Variants in SHISA9 observed in about 807,000 individuals in gnomAD.
SHISA9 encodes the protein shisa family member 9.
Under a neutral mutation model 38.0 loss-of-function variants are expected in SHISA9, and 13 were observed. The ratio of observed to expected loss-of-function variants is 0.34; its 90% CI spans 0.22 to 0.54. The LOEUF is 0.54. Among genes scored for constraint, SHISA9 ranks in the 20% least tolerant of loss-of-function variants. The pLI, the probability that SHISA9 is intolerant of heterozygous loss-of-function variation, is 0.91. For missense variants in SHISA9, 538 were observed against 575.8 expected (o/e 0.93, Z 0.67); for synonymous variants, 275 against 242.0 (o/e 1.14, Z -1.27).
At chr16:13,214,739 G>A (rs2051151224) in intron 4 of SHISA9, among the ~76,000 whole-genome samples, 1 of 152,286 alleles carries the variant, frequency 6.6e-6, no homozygotes, top group East Asian at 1.9e-4. Flanking sequence ...GGATAGCAAA[G>A]GGAGAGCTTG....
chr16:13,323,668 G>C, the SHISA9 span, among the ~76,000 whole-genome samples: 3 of 152,150 alleles, frequency 2.0e-5, no homozygotes, highest in Admixed American at 6.5e-5. Flanking sequence ...AGGCAAAAGG[G>C]AAACAAGGTA....
At chr16:13,068,992 A>G (rs941739906) in intron 2 of SHISA9, among the ~76,000 whole-genome samples, 2 of 151,644 alleles carry the variant, frequency 1.3e-5, no homozygotes, top group East Asian at 1.9e-4. Context: ...TGTACATGCA[A>G]TGTGTGTATG....
chr16:12,971,377 G>C (rs930106738), intron 2 of SHISA9, among the ~76,000 whole-genome samples: 1 of 152,220 alleles, frequency 6.6e-6, no homozygotes, highest in Non-Finnish European at 1.5e-5. Context: ...GGGAGACAGA[G>C]ACTGTGCCCA....
the SHISA9 span, among the ~76,000 whole-genome samples, chr16:13,440,473 G>C: frequency 2.4e-4 from 37 of 152,308 alleles, no homozygotes; most frequent in African/African-American, 7.7e-4. Flanking sequence ...CCATTGACTG[G>C]CTTTAAAACA....
chr16:13,189,172 A>G (rs555260058), intron 2 of SHISA9, among the ~76,000 whole-genome samples: 1 of 152,294 alleles, frequency 6.6e-6, no homozygotes, highest in South Asian at 2.1e-4. Flanking sequence ...AAGCCACTCC[A>G]TTTGTTGTTC....
At chr16:13,397,856 C>T in the SHISA9 span, among the ~76,000 whole-genome samples, 7 of 152,172 alleles carry the variant, frequency 4.6e-5, no homozygotes, top group East Asian at 1.9e-4. Flanking sequence ...CTTGGTGTAC[C>T]GGAAGAATGG....
At chr16:13,032,245 A>T (rs1212460357) in intron 2 of SHISA9, among the ~76,000 whole-genome samples, 1 of 151,942 alleles carries the variant, frequency 6.6e-6, no homozygotes, top group East Asian at 1.9e-4. Context: ...TCATGGTTCA[A>T]TTCCCACTTA....
the SHISA9 span, among the ~76,000 whole-genome samples, chr16:13,314,930 T>C: frequency 2.5e-4 from 38 of 152,208 alleles, no homozygotes; most frequent in Admixed American, 2.0e-4. Context: ...TTGACAATAC[T>C]GTATTATGCT....
the SHISA9 span, among the ~76,000 whole-genome samples, chr16:13,421,011 C>A: frequency 6.6e-6 from 1 of 152,300 alleles, no homozygotes; most frequent in African/African-American, 2.4e-5. Flanking sequence ...GGAAAAAGTC[C>A]ATTTCCACAT....
chr16:13,149,924 C>G (rs1430020690), intron 2 of SHISA9, among the ~76,000 whole-genome samples: 1 of 89,412 alleles, frequency 1.1e-5, no homozygotes, highest in East Asian at 3.8e-4. Flanking sequence ...TACTCCATCT[C>G]AAAAAAAAGA....
chr16:13,335,202 G>A, the SHISA9 span, among the ~76,000 whole-genome samples: 1 of 152,232 alleles, frequency 6.6e-6, no homozygotes, highest in Non-Finnish European at 1.5e-5. Context: ...GGCCTAGTCA[G>A]ACCGGCTTTC....
chr16:13,561,772 G>T, the SHISA9 span, among the ~76,000 whole-genome samples: 10 of 152,148 alleles, frequency 6.6e-5, no homozygotes, highest in Admixed American at 6.5e-4. Context: ...GAATAGAGTA[G>T]ATGGTAAATA....
rs2072327626 is a variant in SHISA9 at position 12,987,504 on chromosome 16, G to A, written c.691+70689G>A. Among the ~76,000 whole-genome samples the A allele has an allele frequency of 2.0e-5, 3 of 152,274 alleles. No homozygotes were observed. In the East Asian group the frequency reaches 5.8e-4, roughly 29 times the overall value. On this transcript the variant is annotated intron_variant, in intron 2 of 4. Coordinates refer to ENST00000558583, the MANE Select transcript of SHISA9 (RefSeq NM_001145204.3). ...CAAACTAACACAGGAACAGAAAACC[G>A]AATACCACATGTTCTCATTCATGAG...
At chr16:13,026,736 G>A (rs1156855020) in intron 2 of SHISA9, among the ~76,000 whole-genome samples, 1 of 152,202 alleles carries the variant, frequency 6.6e-6, no homozygotes, top group Non-Finnish European at 1.5e-5. Context: ...CTGTAAATGT[G>A]AGTAGTGATG....
chr16:12,916,019 T>G (rs1444174209), intron 1 of SHISA9, among the ~76,000 whole-genome samples: 2 of 145,476 alleles, frequency 1.4e-5, no homozygotes, highest in Non-Finnish European at 3.0e-5. Context: ...GTGTTTTTTT[T>G]TTTTTTTTTT....
chr16:13,039,962 C>G (rs948436366), intron 2 of SHISA9, among the ~76,000 whole-genome samples: 1 of 152,156 alleles, frequency 6.6e-6, no homozygotes, highest in African/African-American at 2.4e-5. Flanking sequence ...TCCCCTGAGT[C>G]CTGCCAACTC....
intron 2 of SHISA9, among the ~76,000 whole-genome samples, chr16:13,194,111 G>C (rs1306262541): frequency 2.0e-5 from 3 of 151,868 alleles, no homozygotes; most frequent in African/African-American, 7.3e-5. Context: ...CCAAGAACTG[G>C]AGGAGTCAGA....
chr16:12,969,260 GT>G (rs557117506), intron 2 of SHISA9, among the ~76,000 whole-genome samples: 193 of 152,036 alleles, frequency 1.3e-3, no homozygotes, highest in African/African-American at 4.5e-3. Flanking sequence ...TTCACCTACA[GT>G]GAACCTGCCA....
the SHISA9 span, among the ~76,000 whole-genome samples, chr16:13,396,055 C>A: frequency 6.6e-6 from 1 of 152,210 alleles, no homozygotes. Context: ...TACTTTTCAT[C>A]TTCTGTGATC....
Sources: allele counts gnomAD v4.1 joint callset (sites outside exome capture counted in the v4.1 genomes callset), GRCh38; gene constraint gnomAD v4.1.1; transcripts MANE v1.5; gene names NCBI Gene and HGNC (gene_info 2026-07-23, HGNC 2026-07-21).